The following MYEF2 variants were observed in gnomAD, a reference collection of about 807,000 sequenced individuals.
MYEF2 encodes the protein myelin gene expression factor 2.
MYEF2 carries 37 observed loss-of-function variants against 75.2 expected under a neutral mutation model. The ratio of observed to expected loss-of-function variants is 0.49; its 90% CI spans 0.38 to 0.65. The LOEUF is 0.65. MYEF2 is among the 30% of genes least tolerant of loss of function. The probability of loss-of-function intolerance (pLI) is 0.00; values close to 1 mark genes in which losing one functional copy is unlikely to be tolerated. For missense variants in MYEF2, 634 were observed against 771.4 expected (o/e 0.82, Z 2.11); for synonymous variants, 195 against 241.6 (o/e 0.81, Z 1.79).
At chr15:48,146,421 T>A (rs2039286694) in intron 16 of MYEF2, among the ~76,000 whole-genome samples, 1 of 151,902 alleles carries the variant, frequency 6.6e-6, no homozygotes, top group Non-Finnish European at 1.5e-5. Flanking sequence ...GCAGTTATAT[T>A]CACTTATTTC....
At chr15:48,177,394 TA>T (rs557328903) in intron 1 of MYEF2, among the ~76,000 whole-genome samples, 100 of 147,334 alleles carry the variant, frequency 6.8e-4, no homozygotes, top group South Asian at 1.7e-3. Flanking sequence ...TACACTGAGT[TA>T]AAAAAAAAAA....
In MYEF2 at chr15:48,141,063, T is replaced by C. The variant is rs1335946989; in HGVS notation, c.*1845A>G. 7.1e-7 allele frequency: 1 copy of C among 1,418,108 alleles called. No individual in the cohort carries two copies. Among genetic ancestry groups the C allele is most frequent in the East Asian group, 2.3e-5 (1 of 43,568 alleles). The allele number at this position is 1,418,108 out of a possible 1,614,324, so 87.8% of individuals were successfully genotyped here. On this transcript the variant is annotated 3_prime_UTR_variant, in exon 17 of 17. Transcript: ENST00000324324. ...AAATATCCAAAATAACTGCAAAGGATGGTTAGTGAATCTTTAAGATTTGTA... is the reference window on the plus strand; with the variant it reads ...AAATATCCAAAATAACTGCAAAGGACGGTTAGTGAATCTTTAAGATTTGTA...
intron 16 of MYEF2, among the ~76,000 whole-genome samples, chr15:48,145,501 T>C (rs1032040204): frequency 6.6e-6 from 1 of 151,846 alleles, no homozygotes; most frequent in Non-Finnish European, 1.5e-5. Context: ...CAAAATAGTA[T>C]GCCATGAGAA....
rs916175283 is a variant in MYEF2, at chr15:48,140,803, C to A, written c.*2105G>T. ...TCATTATCAAATATTCAGCACAGCC[C>A]TGATGAGATAATGGTGGACATAAAC... On this transcript the variant is annotated 3_prime_UTR_variant, in exon 17 of 17. Transcript: ENST00000324324. 3.4e-5 allele frequency: 10 copies of A among 298,320 alleles called. No individual in the cohort carries two copies. Among genetic ancestry groups the A allele is most frequent in the Non-Finnish European group, 6.5e-5 (10 of 154,884 alleles). The allele number at this position is 298,320 out of a possible 1,614,324, so 18.5% of individuals were successfully genotyped here. A position where few individuals can be genotyped will look rare whatever the true frequency, so the allele number is the denominator to read the frequency against.
At chr15:48,158,263 T>C in intron 7 of MYEF2, 39 bp from the exon 8 acceptor site, 3 of 1,584,058 alleles carry the variant, frequency 1.9e-6, no homozygotes, top group Admixed American at 1.7e-5. Context: ...AAGATAACTA[T>C]AAAATTATAA....
chr15:48,150,627 G>A (rs2039457079), intron 14 of MYEF2, among the ~76,000 whole-genome samples: 1 of 152,008 alleles, frequency 6.6e-6, no homozygotes, highest in South Asian at 2.1e-4. Context: ...GGTTCAAGAG[G>A]AAAAGAATTA....
Position 48,151,958 on chromosome 15 carries a change from T to G in MYEF2, c.1139-16A>C, listed in dbSNP as rs1455802915. 1 of 1,611,168 alleles carries G rather than the reference T, an allele frequency of 6.2e-7. No individual in the cohort carries two copies. The highest frequency in any genetic ancestry group is 8.5e-7 in the Non-Finnish European group (1 of 1,177,488). On this transcript the variant is annotated splice_polypyrimidine_tract_variant and intron_variant, in intron 11 of 16. Transcript: ENST00000324324. ...AACCCTATTCCTATGGAATAAAGAT[T>G]AATTTTGAGATCCAACTGTCAGTCA...
intron 1 of MYEF2, among the ~76,000 whole-genome samples, chr15:48,172,669 G>A (rs950599203): frequency 6.6e-6 from 1 of 151,606 alleles, no homozygotes; most frequent in Non-Finnish European, 1.5e-5. Flanking sequence ...AATATATAAA[G>A]AAATCAAAGA....
chr15:48,138,762 C>G lies in MYEF2; in HGVS notation c.*4146G>C. The G allele has an allele frequency of 1.9e-6, 1 of 516,010 alleles. No individual in the cohort carries two copies. Among genetic ancestry groups the G allele is most frequent in the Middle Eastern group, 5.3e-4 (1 of 1,888 alleles). The allele number at this position is 516,010 out of a possible 1,614,324, so 32.0% of individuals were successfully genotyped here. A position where few individuals can be genotyped will look rare whatever the true frequency, so the allele number is the denominator to read the frequency against. ...ATTTAAGGCCCCAAATAAAGAAATG[C>G]GGAGTATCACATCTTACATTGTCTG... is the stretch of plus-strand genomic sequence containing the variant. On this transcript the variant is annotated 3_prime_UTR_variant, in exon 17 of 17. Coordinates refer to ENST00000324324, the MANE Select transcript of MYEF2 (RefSeq NM_016132.5).
rs1018648156 is a variant in MYEF2, at chr15:48,140,688, G to A, written c.*2220C>T. 9 of 166,742 alleles carry A rather than the reference G, an allele frequency of 5.4e-5. No homozygotes were observed. Among genetic ancestry groups the A allele is most frequent in the African/African-American group, 2.2e-4 (9 of 40,360 alleles). The allele number at this position is 166,742 out of a possible 1,614,324, so 10.3% of individuals were successfully genotyped here. ...AACATAATAAATGGTATATATACAT[G>A]TTAACACATTTATAGCTTAAAGATA... On this transcript the variant is annotated 3_prime_UTR_variant, in exon 17 of 17. Transcript: ENST00000324324.
chr15:48,153,946 T>C (rs1330821013), intron 9 of MYEF2, 53 bp from the exon 10 acceptor site: 9 of 1,484,942 alleles, frequency 6.1e-6, no homozygotes, highest in Non-Finnish European at 5.5e-6. Flanking sequence ...GATTAACTAA[T>C]TGGCAATAAA....
intron 16 of MYEF2, among the ~76,000 whole-genome samples, chr15:48,148,587 A>G (rs1004401487): frequency 1.3e-5 from 2 of 151,832 alleles, no homozygotes; most frequent in African/African-American, 4.8e-5. Context: ...TCACCTATTA[A>G]CTCCTTTATC....
rs11341438 is a variant in MYEF2 at position 48,169,599 on chromosome 15, ATT to A, written c.162-762_162-761del. 2.0e-3 allele frequency among the ~76,000 whole-genome samples: 277 copies of A among 137,234 alleles called. 1 individual carries two copies. The highest frequency in any genetic ancestry group is 3.8e-3 in the Middle Eastern group (1 of 260). 90.0% of individuals were successfully genotyped at this position (137,234 alleles called of 152,430 possible). A position where few individuals can be genotyped will look rare whatever the true frequency, so the allele number is the denominator to read the frequency against. On this transcript the variant is annotated intron_variant, in intron 1 of 16. Transcript: ENST00000324324. ...CGTAAGCCAAAATTTTATAAACCTG[ATT>A]TTTTTTTTTTTTTTGAGACGGAGTT...
rs753732275 is a variant in MYEF2 at position 48,139,086 on chromosome 15, G to A, written c.*3822C>T. On this transcript the variant is annotated 3_prime_UTR_variant, in exon 17 of 17. Transcript: ENST00000324324. Reference sequence around the variant, plus strand: ...ACACCAGATTGTAGAAAAAAGTTTTGGAAAAACTACTTTGTGATAACCTTT... The same window carrying A: ...ACACCAGATTGTAGAAAAAAGTTTTAGAAAAACTACTTTGTGATAACCTTT... 237 of 1,612,802 alleles carry A rather than the reference G, an allele frequency of 1.5e-4. No individual in the cohort carries two copies. Among genetic ancestry groups the A allele is most frequent in the Non-Finnish European group, 2.0e-4 (232 of 1,179,282 alleles).
Position 48,178,262 on chromosome 15 carries a change from G to A in MYEF2, c.-25C>T, listed in dbSNP as rs1454409241. On this transcript the variant is annotated 5_prime_UTR_variant, in exon 1 of 17. Coordinates refer to ENST00000324324, the MANE Select transcript of MYEF2 (RefSeq NM_016132.5). Reference sequence around the variant, plus strand: ...TCCCGCCGCCGCTGCCTCCGCCTCGGCCGCCTGAGCTGAGGGGCTCCGAGC... The same window carrying A: ...TCCCGCCGCCGCTGCCTCCGCCTCGACCGCCTGAGCTGAGGGGCTCCGAGC... 24 of 1,382,912 alleles carry A rather than the reference G, an allele frequency of 1.7e-5. No homozygotes were observed. The highest frequency in any genetic ancestry group is 1.5e-5 in the African/African-American group (1 of 65,076). 85.7% of individuals were successfully genotyped at this position (1,382,912 alleles called of 1,614,324 possible).
At chr15:48,145,982 A>G (rs552468303) in intron 16 of MYEF2, among the ~76,000 whole-genome samples, 1 of 152,060 alleles carries the variant, frequency 6.6e-6, no homozygotes, top group South Asian at 2.1e-4. Flanking sequence ...TTTTCCATGC[A>G]GTTGACAAGC....
At chr15:48,144,501 G>A (rs2039207529) in intron 16 of MYEF2, among the ~76,000 whole-genome samples, 1 of 151,896 alleles carries the variant, frequency 6.6e-6, no homozygotes, top group Non-Finnish European at 1.5e-5. Context: ...GTCTTTAAAT[G>A]TGTTCTGAAA....
At chr15:48,160,494 C>T (rs1044115303) in intron 5 of MYEF2, among the ~76,000 whole-genome samples, 20 of 151,636 alleles carry the variant, frequency 1.3e-4, no homozygotes, top group East Asian at 5.8e-4. Flanking sequence ...CATACACACA[C>T]ACACACACAC....
In MYEF2 at chr15:48,158,027, G is replaced by A. The variant is rs2039770330; in HGVS notation, c.951C>T (p.Tyr317=). 1 of 1,613,094 alleles carries A rather than the reference G, an allele frequency of 6.2e-7. No homozygotes were observed. Among genetic ancestry groups the A allele is most frequent in the Non-Finnish European group, 8.5e-7 (1 of 1,179,396 alleles). ...MDDKSVPHEE[Y]RSHDGKTPQL... is the part of the protein sequence containing the mutation. ...GTGGTGTTTTACCATCATGTGAACG[G>A]TACTCTTCATGAGGAACAGACTTGT... Residue 317 remains tyrosine (Y), a synonymous_variant, in exon 9 of 17, where the codon TAC becomes TAT. Transcript: ENST00000324324.
Sources: gnomAD v4.1 joint callset for allele counts (sites outside exome capture counted in the v4.1 genomes callset) on GRCh38, gnomAD v4.1.1 for gene constraint, MANE v1.5 for transcripts, NCBI Gene and HGNC (gene_info 2026-07-23, HGNC 2026-07-21) for gene names.